Variants in RALYL observed in about 807,000 individuals in gnomAD.
The protein encoded by RALYL is RNA-binding Raly-like protein.
Under a neutral mutation model 35.1 loss-of-function variants are expected in RALYL, and 29 were observed. That is an observed-to-expected ratio of 0.83 (90% CI 0.61 to 1.13). The LOEUF (loss-of-function observed/expected upper bound fraction) is 1.13. RALYL is among the 50% of genes most tolerant of loss of function. The probability of loss-of-function intolerance (pLI) is 0.00; values close to 1 mark genes in which losing one functional copy is unlikely to be tolerated. For synonymous variants in RALYL, 120 were observed against 127.6 expected (o/e 0.94, Z 0.40); for missense variants, 359 against 360.4 (o/e 1.00, Z 0.03).
intron 2 of RALYL, among the ~76,000 whole-genome samples, chr8:84,773,713 G>A (rs1235432357): frequency 4.6e-5 from 7 of 152,154 alleles, no homozygotes. Flanking sequence ...TCCAGTTGCT[G>A]AGTGCATTTT....
chr8:84,345,832 G>T (rs895159835), intron 1 of RALYL, among the ~76,000 whole-genome samples: 8 of 152,072 alleles, frequency 5.3e-5, no homozygotes, highest in African/African-American at 1.7e-4. Flanking sequence ...GGCTAGTGGG[G>T]TTGACAGATA....
At chr8:84,372,065 G>A (rs1855839309) in intron 1 of RALYL, among the ~76,000 whole-genome samples, 1 of 152,034 alleles carries the variant, frequency 6.6e-6, no homozygotes, top group South Asian at 2.1e-4. Flanking sequence ...AGAGTGCTTG[G>A]CAACAAATGA....
At chr8:84,908,173 C>A (rs1846854687) in intron 8 of RALYL, among the ~76,000 whole-genome samples, 1 of 152,136 alleles carries the variant, frequency 6.6e-6, no homozygotes, top group Admixed American at 6.6e-5. Flanking sequence ...AGCTAATTAA[C>A]ATATTCATCA....
intron 2 of RALYL, among the ~76,000 whole-genome samples, chr8:84,661,456 A>T (rs1034365729): frequency 6.6e-6 from 1 of 151,998 alleles, no homozygotes; most frequent in Non-Finnish European, 1.5e-5. Context: ...TAGGCTTTCA[A>T]ATCAAATGTG....
At chr8:84,785,880 A>C (rs1026827719) in intron 3 of RALYL, among the ~76,000 whole-genome samples, 1 of 152,236 alleles carries the variant, frequency 6.6e-6, no homozygotes, top group South Asian at 2.1e-4. Context: ...GGTTTGTTAC[A>C]TAGGTAAATG....
At chr8:84,317,559 C>T (rs1843985004) in intron 1 of RALYL, among the ~76,000 whole-genome samples, 1 of 152,172 alleles carries the variant, frequency 6.6e-6, no homozygotes, top group Non-Finnish European at 1.5e-5. Flanking sequence ...GTCAGAATTG[C>T]CGCATACCAC....
chr8:84,569,172 T>C (rs1322706842), intron 2 of RALYL, among the ~76,000 whole-genome samples: 2 of 152,048 alleles, frequency 1.3e-5, no homozygotes, highest in East Asian at 3.8e-4. Context: ...AGGGTTTTTA[T>C]GGTTTTAGGT....
At chr8:84,435,149 T>C (rs2047562660) in intron 1 of RALYL, among the ~76,000 whole-genome samples, 1 of 152,122 alleles carries the variant, frequency 6.6e-6, no homozygotes, top group East Asian at 1.9e-4. Context: ...AGAAAGCTTT[T>C]ATATTCTTTG....
intron 2 of RALYL, among the ~76,000 whole-genome samples, chr8:84,711,649 CCA>C (rs1842205662): frequency 6.6e-6 from 1 of 152,094 alleles, no homozygotes; most frequent in Non-Finnish European, 1.5e-5. Flanking sequence ...AAGGCTGTTG[CCA>C]GTCTCAATTG....
intron 2 of RALYL, among the ~76,000 whole-genome samples, chr8:84,627,868 T>C (rs903791306): frequency 1.3e-5 from 2 of 152,026 alleles, no homozygotes; most frequent in African/African-American, 4.8e-5. Context: ...ATGTACCCTA[T>C]CAAATCTATT....
At chr8:84,784,613 A>C (rs1310360986) in intron 3 of RALYL, among the ~76,000 whole-genome samples, 2 of 152,210 alleles carry the variant, frequency 1.3e-5, no homozygotes, top group Admixed American at 6.5e-5. Context: ...AGTGGCTTAT[A>C]GGTTTTTTAA....
At chr8:84,519,803 T>C (rs2058327657) in intron 1 of RALYL, among the ~76,000 whole-genome samples, 1 of 152,234 alleles carries the variant, frequency 6.6e-6, no homozygotes, top group Admixed American at 6.5e-5. Flanking sequence ...TTCTCCACTT[T>C]AGTCTGACTT....
intron 1 of RALYL, among the ~76,000 whole-genome samples, chr8:84,291,325 T>C (rs1244418559): frequency 6.6e-6 from 1 of 152,156 alleles, no homozygotes; most frequent in Admixed American, 6.5e-5. Context: ...GAATTTGCCA[T>C]AGGATCTGGC....
At chr8:84,428,601 C>G (rs1345002936) in intron 1 of RALYL, among the ~76,000 whole-genome samples, 1 of 152,156 alleles carries the variant, frequency 6.6e-6, no homozygotes, top group Non-Finnish European at 1.5e-5. Context: ...TCTCTTGCTT[C>G]TAGAAATTAA....
Position 84,643,614 on chromosome 8 carries a change from A to G in RALYL, c.256+114037A>G, listed in dbSNP as rs1334935551. On this transcript the variant is annotated intron_variant, in intron 2 of 8. Transcript: ENST00000521268. ...ACTGGCAGGCTGGAGACTCCGGAGC[A>G]CACAGCAATCCCCATATGGGCCACC... 3.3e-5 allele frequency among the ~76,000 whole-genome samples: 5 copies of G among 152,192 alleles called. No homozygotes were observed. The East Asian group carries it at 9.7e-4, about 30-fold the overall frequency.
At chr8:84,315,749 G>C (rs939941479) in intron 1 of RALYL, among the ~76,000 whole-genome samples, 2 of 151,250 alleles carry the variant, frequency 1.3e-5, no homozygotes, top group Admixed American at 1.3e-4. Context: ...TCCATTAGCT[G>C]CATAATTTAT....
chr8:84,371,566 C>G (rs1855713837), intron 1 of RALYL, among the ~76,000 whole-genome samples: 1 of 148,054 alleles, frequency 6.8e-6, no homozygotes, highest in African/African-American at 2.6e-5. Flanking sequence ...CACACACACA[C>G]ACACACAGAA....
At position 84,529,520 on chromosome 8, in the gene RALYL, C is replaced by T. The variant is rs1305060071; in HGVS notation, c.199C>T (p.His67Tyr). ...ATTTGTACAGTACATGAGTGAGCGA[C>T]ATGCAAGAGCTGCAGTGGCTGGAGA... Reference protein sequence around the residue: ...YAFVQYMSERHARAAVAGENA... With the variant: ...YAFVQYMSERYARAAVAGENA... The change falls in exon 2 of 9, where the codon CAT becomes TAT. Residue 67 changes from histidine (H) to tyrosine (Y), a missense_variant. Coordinates refer to ENST00000521268, the MANE Select transcript of RALYL (RefSeq NM_173848.7). 2 of 1,612,518 alleles carry T rather than the reference C, an allele frequency of 1.2e-6. No homozygotes were observed. Among genetic ancestry groups the T allele is most frequent in the Non-Finnish European group, 1.7e-6 (2 of 1,178,774 alleles).
At chr8:84,895,782 G>A (rs186432406) in intron 8 of RALYL, among the ~76,000 whole-genome samples, 1 of 152,164 alleles carries the variant, frequency 6.6e-6, no homozygotes, top group Non-Finnish European at 1.5e-5. Context: ...AAAGTGCTGG[G>A]ATTACAGGTG....
Sources: gnomAD v4.1 joint callset for allele counts (sites outside exome capture counted in the v4.1 genomes callset) on GRCh38, gnomAD v4.1.1 for gene constraint, MANE v1.5 for transcripts, NCBI Gene and HGNC (gene_info 2026-07-23, HGNC 2026-07-21) for gene names.